Variants in LRRC7 observed in about 807,000 individuals in gnomAD.
LRRC7 encodes leucine rich repeat containing 7.
A neutral mutation model predicts 175.7 loss-of-function variants in LRRC7; 23 were observed. That is an observed-to-expected ratio of 0.13 (90% confidence interval 0.09 to 0.19). LRRC7 has a LOEUF of 0.19. Ranked by LOEUF, LRRC7 falls within the 10% of genes least tolerant of loss-of-function variation. The pLI is 1.00. For missense variants in LRRC7, 1,354 were observed against 1,904.7 expected (o/e 0.71, Z 5.38); for synonymous variants, 685 against 680.9 (o/e 1.01, Z -0.09).
chr1:69,693,788 G>T (rs1662210021), intron 2 of LRRC7, among the ~76,000 whole-genome samples: 1 of 152,130 alleles, frequency 6.6e-6, no homozygotes, highest in Non-Finnish European at 1.5e-5. Flanking sequence ...ATTTCAGGGG[G>T]TCTGAACTGA....
chr1:69,969,040 G>A (rs995826844), intron 8 of LRRC7, among the ~76,000 whole-genome samples: 2 of 151,742 alleles, frequency 1.3e-5, no homozygotes, highest in South Asian at 2.1e-4. Context: ...GGATGGTCTC[G>A]ATCTCCTGAC....
At chr1:69,620,138 A>G (rs998174772) in intron 1 of LRRC7, among the ~76,000 whole-genome samples, 1 of 152,206 alleles carries the variant, frequency 6.6e-6, no homozygotes, top group Non-Finnish European at 1.5e-5. Context: ...GCTATCTTAC[A>G]TGAAGCCAAT....
chr1:69,700,880 A>T (rs900156035), intron 2 of LRRC7, among the ~76,000 whole-genome samples: 7 of 152,188 alleles, frequency 4.6e-5, no homozygotes, highest in Admixed American at 1.3e-4. Flanking sequence ...GTTGTGCTGT[A>T]TATCAAGGCC....
At chr1:70,071,483 TA>T (rs565067351) in intron 23 of LRRC7, among the ~76,000 whole-genome samples, 134 of 148,048 alleles carry the variant, frequency 9.1e-4, no homozygotes, top group Non-Finnish European at 1.4e-3. Context: ...TAACCTGCAT[TA>T]AAAAAAAAAG....
intron 7 of LRRC7, among the ~76,000 whole-genome samples, chr1:69,862,809 T>C (rs773055629): frequency 9.9e-5 from 15 of 152,114 alleles, no homozygotes; most frequent in Non-Finnish European, 2.1e-4. Context: ...ACCCGTCACC[T>C]ACTATCCCTC....
intron 1 of LRRC7, among the ~76,000 whole-genome samples, chr1:69,653,890 T>TGTGAGGTATCTAAATA (rs1656223818): frequency 6.6e-6 from 1 of 152,068 alleles, no homozygotes; most frequent in Non-Finnish European, 1.5e-5. Context: ...TTTATACTTA[T>TGTGAGGTATCTAAATA]GTGAGGTATC....
chr1:69,777,245 A>T (rs1285650092), intron 3 of LRRC7, among the ~76,000 whole-genome samples: 1 of 152,188 alleles, frequency 6.6e-6, no homozygotes, highest in Non-Finnish European at 1.5e-5. Context: ...AACTCTTTTT[A>T]GAAGAATGAA....
chr1:69,811,193 A>G (rs932116827), intron 4 of LRRC7, among the ~76,000 whole-genome samples: 4 of 152,238 alleles, frequency 2.6e-5, no homozygotes, highest in African/African-American at 9.6e-5. Context: ...TGGTCATTAG[A>G]GAAACGCAAA....
intron 25 of LRRC7, among the ~76,000 whole-genome samples, chr1:70,107,002 T>C (rs539500486): frequency 6.6e-6 from 1 of 152,326 alleles, no homozygotes; most frequent in African/African-American, 2.4e-5. Context: ...CTCCACTAGA[T>C]TGTGAGCTCA....
intron 26 of LRRC7, among the ~76,000 whole-genome samples, 200 bp downstream of exon 26, chr1:70,108,026 G>C (rs1413321800): frequency 2.0e-5 from 3 of 151,698 alleles, no homozygotes; most frequent in East Asian, 1.9e-4. Flanking sequence ...ACCTTACACA[G>C]TACTTGGCAC....
At chr1:69,777,704 A>G (rs1444381382) in intron 3 of LRRC7, among the ~76,000 whole-genome samples, 1 of 152,072 alleles carries the variant, frequency 6.6e-6, no homozygotes, top group East Asian at 1.9e-4. Context: ...TTCCACATCA[A>G]ATCAACAGCC....
chr1:69,572,950 C>T (rs1464704173), intron 1 of LRRC7, among the ~76,000 whole-genome samples: 2 of 151,848 alleles, frequency 1.3e-5, no homozygotes, highest in Non-Finnish European at 2.9e-5. Flanking sequence ...AAAAGCATGC[C>T]ATTTAAATAA....
intron 26 of LRRC7, among the ~76,000 whole-genome samples, chr1:70,111,743 T>C (rs1209722469): frequency 6.6e-6 from 1 of 152,130 alleles, no homozygotes; most frequent in African/African-American, 2.4e-5. Context: ...AGATTCACAG[T>C]TGTAACCTAA....
intron 1 of LRRC7, among the ~76,000 whole-genome samples, chr1:69,671,919 C>A (rs1659135034): frequency 6.6e-6 from 1 of 152,140 alleles, no homozygotes; most frequent in Non-Finnish European, 1.5e-5. Flanking sequence ...CTCTTTCCTG[C>A]CCTCTTCAAT....
chr1:69,869,608 C>T lies in LRRC7; in HGVS notation c.647+31325C>T, dbSNP rs540713158. Among the ~76,000 whole-genome samples, 79 of 152,086 alleles carry T rather than the reference C, an allele frequency of 5.2e-4. 1 individual carries two copies. The highest frequency in any genetic ancestry group is 1.6e-3 in the African/African-American group (65 of 41,482). On this transcript the variant is annotated intron_variant, in intron 7 of 26. Transcript: ENST00000651989. The stretch of plus-strand genomic sequence containing the variant: ...ACTATGAGAGCCCATCCTCACATAC[C>T]GAGTGATAAGAACAATATACTTAAA...
intron 1 of LRRC7, among the ~76,000 whole-genome samples, chr1:69,630,375 A>G (rs60666339): frequency 0.024 from 3,671 of 152,230 alleles, 124 homozygotes; most frequent in African/African-American, 0.083. Flanking sequence ...CAGAATTCCT[A>G]TTAATAGGTT....
In LRRC7 at chr1:70,125,344, T is replaced by C. The variant is rs919778093; in HGVS notation, c.*3457T>C. On this transcript the variant is annotated 3_prime_UTR_variant, in exon 27 of 27. Coordinates refer to ENST00000651989, the MANE Select transcript of LRRC7 (RefSeq NM_001370785.2). ...AACAATCTCAGTTGTTTCTGGACCT[T>C]ACCTTGGATCACGACCTTTGAGATG... Among the ~76,000 whole-genome samples the C allele has an allele frequency of 2.6e-5, 4 of 152,226 alleles. No individual in the cohort carries two copies. Among genetic ancestry groups the C allele is most frequent in the Admixed American group, 6.5e-5 (1 of 15,286 alleles).
intron 1 of LRRC7, among the ~76,000 whole-genome samples, chr1:69,590,112 GT>G (rs1258340534): frequency 6.6e-6 from 1 of 151,948 alleles, no homozygotes; most frequent in Non-Finnish European, 1.5e-5. Context: ...AATATTTTCT[GT>G]TCATAATATT....
chr1:69,764,301 G>A (rs1353152094), intron 3 of LRRC7, among the ~76,000 whole-genome samples: 1 of 151,342 alleles, frequency 6.6e-6, no homozygotes, highest in Non-Finnish European at 1.5e-5. Flanking sequence ...AGTGTGGGAT[G>A]GCAAATTTGA....
Sources: gnomAD v4.1 joint callset for allele counts (sites outside exome capture counted in the v4.1 genomes callset) on GRCh38, gnomAD v4.1.1 for gene constraint, MANE v1.5 for transcripts, NCBI Gene and HGNC (gene_info 2026-07-23, HGNC 2026-07-21) for gene names.